The following AQR variants were observed in gnomAD, a reference collection of about 807,000 sequenced individuals.
The protein encoded by AQR is aquarius intron-binding spliceosomal factor.
Under a neutral mutation model 180.5 loss-of-function variants are expected in AQR, and 61 were observed. That is an observed-to-expected ratio of 0.34 (90% confidence interval 0.28 to 0.42). AQR has a LOEUF of 0.42. Ranked by LOEUF, AQR falls within the 10% of genes least tolerant of loss-of-function variation. AQR has a pLI of 1.00. For synonymous variants in AQR, 551 were observed against 588.8 expected, an observed-to-expected ratio of 0.94 and a Z score of 0.93; for missense variants, 1,281 against 1,798.3, an observed-to-expected ratio of 0.71 and a Z score of 5.20.
At position 34,882,578 on chromosome 15, in the gene AQR, T is replaced by C; in HGVS notation, c.3089A>G (p.Lys1030Arg). Residue 1030 changes from lysine (K) to arginine (R), a missense_variant, in exon 27 of 35, where the codon AAA becomes AGA. By Grantham distance (26) the Lys-to-Arg change is conservative (BLOSUM62 2). This residue lies in a region of AQR where 125 missense variants were observed against 185.0 expected (regional missense o/e 0.68). Transcript: ENST00000156471. ...GLDRSKYLLV[K>R]EAKIIAMTCT... ...GGTCATAGCAATAATTTTGGCTTCTTTCACTAAAAGGTATTTAGATCTGTC... is the reference window on the plus strand; with the variant it reads ...GGTCATAGCAATAATTTTGGCTTCTCTCACTAAAAGGTATTTAGATCTGTC... 1 of 1,613,358 alleles carries C rather than the reference T, an allele frequency of 6.2e-7. No individual in the cohort carries two copies. Among genetic ancestry groups the C allele is most frequent in the Non-Finnish European group, 8.5e-7 (1 of 1,179,696 alleles).
At chr15:34,911,454 G>T (rs1016982976) in intron 16 of AQR, among the ~76,000 whole-genome samples, 1 of 152,194 alleles carries the variant, frequency 6.6e-6, no homozygotes, top group Admixed American at 6.5e-5. Context: ...GCAAACACTT[G>T]TTATCTTTTG....
intron 23 of AQR, among the ~76,000 whole-genome samples, chr15:34,893,152 A>T (rs1256918160): frequency 6.6e-6 from 1 of 152,170 alleles, no homozygotes; most frequent in Non-Finnish European, 1.5e-5. Flanking sequence ...TCAGCAAGGC[A>T]ATTTACTTCT....
chr15:34,892,021 T>C (rs1043908802), intron 23 of AQR, among the ~76,000 whole-genome samples: 2 of 152,184 alleles, frequency 1.3e-5, no homozygotes, highest in African/African-American at 4.8e-5. Flanking sequence ...GTAACTGATA[T>C]TTGGCATTCC....
At chr15:34,942,274 T>G (rs963550532) in intron 6 of AQR, among the ~76,000 whole-genome samples, 194 bp from the exon 7 acceptor site, 2 of 152,224 alleles carry the variant, frequency 1.3e-5, no homozygotes, top group East Asian at 3.8e-4. Context: ...GATTTTGTAC[T>G]TGCAAATTCA....
At chr15:34,925,769 G>T (rs1893751690) in intron 13 of AQR, among the ~76,000 whole-genome samples, 2 of 151,668 alleles carry the variant, frequency 1.3e-5, no homozygotes, top group South Asian at 4.2e-4. Flanking sequence ...GGAGGCAGAG[G>T]TTGCAGTGAG....
chr15:34,938,915 C>T (rs1893983214), intron 8 of AQR, 102 bp from the exon 9 acceptor site: 1 of 801,352 alleles, frequency 1.2e-6, no homozygotes, highest in African/African-American at 1.7e-5. Context: ...TTCAACTGTT[C>T]ATTTCTTTGT....
chr15:34,962,325 A>C (rs1332175045), intron 2 of AQR, among the ~76,000 whole-genome samples: 1 of 152,114 alleles, frequency 6.6e-6, no homozygotes, highest in African/African-American at 2.4e-5. Flanking sequence ...CCTAGCCTAT[A>C]ATATCTTTTA....
intron 30 of AQR, among the ~76,000 whole-genome samples, chr15:34,872,912 T>C (rs963307281): frequency 9.2e-5 from 14 of 152,158 alleles, no homozygotes; most frequent in African/African-American, 2.7e-4. Flanking sequence ...TATTTTGATG[T>C]ATATGCTGCC....
intron 32 of AQR, among the ~76,000 whole-genome samples, chr15:34,865,391 G>A (rs982151241): frequency 8.5e-5 from 13 of 152,052 alleles, no homozygotes. Flanking sequence ...TCCTAAAACA[G>A]GCCTCTGGAA....
chr15:34,915,895 A>G (rs1022612216), intron 15 of AQR, among the ~76,000 whole-genome samples: 1 of 151,928 alleles, frequency 6.6e-6, no homozygotes, highest in African/African-American at 2.4e-5. Context: ...GCAGGAAGCC[A>G]AGATCATGTC....
chr15:34,920,254 T>C (rs1260674609), intron 14 of AQR, 78 bp downstream of exon 14: 1 of 1,014,676 alleles, frequency 9.9e-7, no homozygotes, highest in South Asian at 1.6e-5. Flanking sequence ...AAAAAATCTA[T>C]ATGAACCTAC....
chr15:34,945,871 C>CA (rs1894105057), intron 5 of AQR, among the ~76,000 whole-genome samples: 1 of 151,708 alleles, frequency 6.6e-6, no homozygotes, highest in South Asian at 2.1e-4. Flanking sequence ...GCAAAGAAAA[C>CA]AAAGATTTTG....
chr15:34,961,396 G>C (rs1471303301), intron 2 of AQR, among the ~76,000 whole-genome samples: 3 of 151,978 alleles, frequency 2.0e-5, no homozygotes, highest in Non-Finnish European at 4.4e-5. Flanking sequence ...TGGATCATGA[G>C]GTCAAGAGAT....
At chr15:34,875,457 G>A (rs1423710310) in intron 28 of AQR, among the ~76,000 whole-genome samples, 2 of 151,992 alleles carry the variant, frequency 1.3e-5, no homozygotes, top group Non-Finnish European at 2.9e-5. Context: ...TCCTTAAGTT[G>A]GGAATTCCAC....
chr15:34,884,727 G>C lies in AQR; in HGVS notation c.2825C>G (p.Ser942Cys), dbSNP rs778172785. Residue 942 changes from serine (S) to cysteine (C), a missense_variant, in exon 26 of 35, where the codon TCT becomes TGT. By Grantham distance (112) the Ser-to-Cys change is moderately radical. Around this residue, in one of 9 missense-constraint regions of AQR, gnomAD observed 125 missense variants for 185.0 expected, o/e 0.68. Coordinates refer to ENST00000156471, the MANE Select transcript of AQR (RefSeq NM_014691.3). The part of the protein sequence containing the change: ...AGYFFLYQVM[S>C]RWEEYISKVK... Reference sequence around the variant, plus strand: ...TTTGCTGATATACTCTTCCCAGCGAGACATTACCTGTAGAAAAAAGGACTT... The same window carrying C: ...TTTGCTGATATACTCTTCCCAGCGACACATTACCTGTAGAAAAAAGGACTT... 1 of 1,594,786 alleles carries C rather than the reference G, an allele frequency of 6.3e-7. No individual in the cohort carries two copies. The highest frequency in any genetic ancestry group is 2.3e-5 in the East Asian group (1 of 44,012).
At chr15:34,898,972 C>T (rs1476658938) in intron 20 of AQR, among the ~76,000 whole-genome samples, 2 of 151,066 alleles carry the variant, frequency 1.3e-5, no homozygotes, top group African/African-American at 2.4e-5. Context: ...TCGAGACCAT[C>T]CTGGCTAACA....
intron 15 of AQR, among the ~76,000 whole-genome samples, chr15:34,916,427 T>C (rs1893587997): frequency 7.6e-6 from 1 of 131,996 alleles, no homozygotes; most frequent in Non-Finnish European, 1.7e-5. Context: ...GTCTCATCAT[T>C]GTTGTCCATA....
chr15:34,862,697 C>G (rs956049830), intron 33 of AQR, among the ~76,000 whole-genome samples, 170 bp downstream of exon 33: 3 of 152,072 alleles, frequency 2.0e-5, no homozygotes, highest in African/African-American at 7.2e-5. Flanking sequence ...TGCGCCCTAC[C>G]GATATCATTT....
chr15:34,865,951 G>GA (rs1892733113), intron 32 of AQR, among the ~76,000 whole-genome samples: 1 of 152,088 alleles, frequency 6.6e-6, no homozygotes, highest in Admixed American at 6.6e-5. Flanking sequence ...CTACAGTGAT[G>GA]AAAATGTTCT....
Sources: gnomAD v4.1 joint callset for allele counts (sites outside exome capture counted in the v4.1 genomes callset) on GRCh38, gnomAD v4.1.1 for gene constraint, gnomAD v4.1.1 regional missense constraint, MANE v1.5 for transcripts, NCBI Gene and HGNC (gene_info 2026-07-23, HGNC 2026-07-21) for gene names.